SORCS1: variants seen among roughly 807,000 people sequenced by gnomAD.
SORCS1 encodes the protein VPS10 domain-containing receptor SorCS1.
In SORCS1, 60 loss-of-function variants were observed where a neutral mutation model predicts 146.1. The observed-to-expected ratio is 0.41, with a 90% confidence interval of 0.33 to 0.51. The LOEUF (loss-of-function observed/expected upper bound fraction) is 0.51. Ranked by LOEUF, SORCS1 falls within the 20% of genes least tolerant of loss-of-function variation. The pLI is 0.21. For missense variants in SORCS1, 1,352 were observed against 1,487.6 expected, an observed-to-expected ratio of 0.91 and a Z score of 1.50; for synonymous variants, 637 against 584.0, an observed-to-expected ratio of 1.09 and a Z score of -1.31.
intron 3 of SORCS1, among the ~76,000 whole-genome samples, chr10:106,796,571 T>C (rs755631462): frequency 1.2e-4 from 18 of 152,216 alleles, no homozygotes; most frequent in Non-Finnish European, 4.4e-5. Flanking sequence ...ATTTTCTGTA[T>C]TAAAGCTCAG....
At chr10:106,666,147 T>G (rs756866788) in intron 17 of SORCS1, among the ~76,000 whole-genome samples, 2 of 152,090 alleles carry the variant, frequency 1.3e-5, no homozygotes, top group Non-Finnish European at 2.9e-5. Context: ...GCCACTTCTA[T>G]GTATTTTTAA....
chr10:107,148,094 A>G (rs985790787), intron 1 of SORCS1, among the ~76,000 whole-genome samples: 4 of 152,170 alleles, frequency 2.6e-5, no homozygotes, highest in African/African-American at 9.7e-5. Flanking sequence ...AAAATAAATG[A>G]TCCACTTTGT....
At chr10:106,737,083 C>T (rs899184078) in intron 5 of SORCS1, among the ~76,000 whole-genome samples, 28 of 123,594 alleles carry the variant, frequency 2.3e-4, no homozygotes, top group Middle Eastern at 4.1e-3. Flanking sequence ...GTGTAGGTGT[C>T]AGGGAGCAAA....
intron 24 of SORCS1, among the ~76,000 whole-genome samples, chr10:106,595,966 G>A (rs1016537510): frequency 6.6e-6 from 1 of 152,102 alleles, no homozygotes; most frequent in Non-Finnish European, 1.5e-5. Context: ...AAATATTAAA[G>A]CTATGTTTCA....
At chr10:106,664,423 A>G (rs1359060381) in intron 17 of SORCS1, among the ~76,000 whole-genome samples, 1 of 152,118 alleles carries the variant, frequency 6.6e-6, no homozygotes, top group African/African-American at 2.4e-5. Context: ...CAGGTGGATC[A>G]CGAGGTCAGG....
intron 3 of SORCS1, among the ~76,000 whole-genome samples, chr10:106,821,717 C>A (rs111963935): frequency 0.067 from 10,212 of 152,028 alleles, 441 homozygotes; most frequent in African/African-American, 0.11. Flanking sequence ...GTCAGGAGAT[C>A]AAGACCATCC....
At chr10:107,048,239 A>G (rs1717724795) in intron 1 of SORCS1, among the ~76,000 whole-genome samples, 1 of 152,196 alleles carries the variant, frequency 6.6e-6, no homozygotes, top group Non-Finnish European at 1.5e-5. Flanking sequence ...TGATTATCAG[A>G]CTGAAAGTAA....
chr10:106,950,434 G>T (rs1045830865), intron 2 of SORCS1, among the ~76,000 whole-genome samples: 7 of 152,104 alleles, frequency 4.6e-5, no homozygotes, highest in Non-Finnish European at 1.0e-4. Context: ...GCTAAAACTT[G>T]TAAAGAATAA....
intron 1 of SORCS1, among the ~76,000 whole-genome samples, chr10:107,111,799 A>C (rs1401477297): frequency 6.6e-6 from 1 of 152,214 alleles, no homozygotes; most frequent in African/African-American, 2.4e-5. Context: ...TAAAAGTCAA[A>C]GACAAAGAAA....
intron 1 of SORCS1, among the ~76,000 whole-genome samples, chr10:107,137,251 C>A (rs1967383424): frequency 6.6e-6 from 1 of 152,128 alleles, no homozygotes; most frequent in South Asian, 2.1e-4. Context: ...ACACAGGTGC[C>A]AGAGCATTCC....
At chr10:106,698,178 C>T (rs1314953275) in intron 9 of SORCS1, among the ~76,000 whole-genome samples, 4 of 152,092 alleles carry the variant, frequency 2.6e-5, no homozygotes, top group South Asian at 2.1e-4. Flanking sequence ...AACCTCTGAA[C>T]GAGAAGGAAG....
intron 18 of SORCS1, among the ~76,000 whole-genome samples, chr10:106,643,398 C>T (rs1849199127): frequency 6.6e-6 from 1 of 152,336 alleles, no homozygotes; most frequent in African/African-American, 2.4e-5. Context: ...TCACGTGCAC[C>T]TCCCGTGCCT....
chr10:106,835,512 C>A (rs1201434677), intron 2 of SORCS1, among the ~76,000 whole-genome samples: 1 of 152,094 alleles, frequency 6.6e-6, no homozygotes, highest in Non-Finnish European at 1.5e-5. Context: ...AAAAGATATT[C>A]ATAAAGCAAT....
chr10:107,098,864 T>C (rs1964725007), intron 1 of SORCS1, among the ~76,000 whole-genome samples: 1 of 152,122 alleles, frequency 6.6e-6, no homozygotes, highest in Non-Finnish European at 1.5e-5. Context: ...AACTTAGAGG[T>C]GTTAAATTCC....
intron 11 of SORCS1, 39 bp from the exon 12 acceptor site, chr10:106,679,371 T>C (rs2135551753): frequency 6.6e-7 from 1 of 1,520,612 alleles, no homozygotes; most frequent in Non-Finnish European, 9.1e-7. Context: ...AAGAACTTTC[T>C]GCAAAAGCAA....
At chr10:106,757,021 T>C (rs1336480238) in intron 5 of SORCS1, among the ~76,000 whole-genome samples, 1 of 152,154 alleles carries the variant, frequency 6.6e-6, no homozygotes, top group Non-Finnish European at 1.5e-5. Flanking sequence ...GCCTTCTTCT[T>C]TGGCAATACT....
chr10:106,710,636 A>G (rs780540221), intron 6 of SORCS1, among the ~76,000 whole-genome samples: 3 of 152,034 alleles, frequency 2.0e-5, no homozygotes, highest in Non-Finnish European at 2.9e-5. Flanking sequence ...TTTTGAGCAC[A>G]CTATCCTGGC....
At chr10:106,999,082 C>A (rs1489057443) in intron 1 of SORCS1, among the ~76,000 whole-genome samples, 1 of 152,054 alleles carries the variant, frequency 6.6e-6, no homozygotes, top group Non-Finnish European at 1.5e-5. Context: ...GAAGACAGGT[C>A]CTAAAATGCC....
At chr10:106,596,739 G>T (rs1303038521) in intron 24 of SORCS1, among the ~76,000 whole-genome samples, 1 of 152,152 alleles carries the variant, frequency 6.6e-6, no homozygotes, top group Non-Finnish European at 1.5e-5. Flanking sequence ...ATAAGACTTT[G>T]CAGAAAGACC....
Sources: gnomAD v4.1 joint callset for allele counts (sites outside exome capture counted in the v4.1 genomes callset) on GRCh38, gnomAD v4.1.1 for gene constraint, MANE v1.5 for transcripts, NCBI Gene and HGNC (gene_info 2026-07-23, HGNC 2026-07-21) for gene names.